PRICKLE2: variants seen among roughly 807,000 people sequenced by gnomAD.
PRICKLE2 encodes the protein prickle planar cell polarity protein 2, also known as prickle-like protein 2.
PRICKLE2 carries 21 observed loss-of-function variants against 81.4 expected under a neutral mutation model. That is an observed-to-expected ratio of 0.26 (90% CI 0.18 to 0.37). The LOEUF (loss-of-function observed/expected upper bound fraction) is 0.37, where lower values mean the gene tolerates loss of function less well. Ranked by LOEUF, PRICKLE2 falls within the 10% of genes least tolerant of loss-of-function variation. The pLI is 1.00. For missense variants in PRICKLE2, 940 were observed against 1,109.0 expected (o/e 0.85, Z 2.16); for synonymous variants, 456 against 421.5 (o/e 1.08, Z -1.00).
chr3:64,192,091 C>A (rs1002007486), intron 2 of PRICKLE2, among the ~76,000 whole-genome samples: 1 of 152,244 alleles, frequency 6.6e-6, no homozygotes, highest in Admixed American at 6.5e-5. Context: ...GAATACAAAT[C>A]TTTAGGAGCA....
At chr3:64,153,017 T>C (rs958728496) in intron 6 of PRICKLE2, among the ~76,000 whole-genome samples, 165 bp downstream of exon 6, 2 of 152,220 alleles carry the variant, frequency 1.3e-5, no homozygotes, top group African/African-American at 4.8e-5. Flanking sequence ...GAAGCTAGTA[T>C]ACTTCTTGGC....
intron 2 of PRICKLE2, among the ~76,000 whole-genome samples, chr3:64,235,536 T>G (rs888528498): frequency 6.6e-6 from 1 of 152,198 alleles, no homozygotes; most frequent in South Asian, 2.1e-4. Flanking sequence ...CCTGCCCCCC[T>G]TCTGGAGCTT....
intron 4 of PRICKLE2, among the ~76,000 whole-genome samples, chr3:64,158,496 C>A (rs138340144): frequency 2.0e-5 from 3 of 152,294 alleles, no homozygotes; most frequent in Admixed American, 6.5e-5. Flanking sequence ...AAAAGTAACA[C>A]GGTCAAGGTC....
chr3:64,246,099 C>T (rs1041843711), intron 2 of PRICKLE2, among the ~76,000 whole-genome samples: 2 of 151,990 alleles, frequency 1.3e-5, no homozygotes, highest in Admixed American at 1.3e-4. Context: ...AAAATTAGTC[C>T]GGTGTAGTGG....
rs577587485 is a variant in PRICKLE2, at chr3:64,131,137, G to A, written c.1660+15693C>T. On this transcript the variant is annotated intron_variant, in intron 7 of 7. Coordinates refer to ENST00000638394, the MANE Select transcript of PRICKLE2 (RefSeq NM_198859.4). ...GTAAGGCTGAGCCTTGGTCCCAGTC[G>A]CTGAATTTGCCCCAAATTGTGAGCC... Among the ~76,000 whole-genome samples, 4 of 152,270 alleles carry A rather than the reference G, an allele frequency of 2.6e-5. 1 individual carries two copies. The highest frequency in any genetic ancestry group is 2.1e-4 in the South Asian group (1 of 4,822).
chr3:64,163,219 A>T, intron 2 of PRICKLE2, 90 bp from the exon 3 acceptor site: 1 of 830,564 alleles, frequency 1.2e-6, no homozygotes, highest in South Asian at 1.3e-5. Context: ...CCCCAGCAGG[A>T]TGTAACTGAC....
intron 2 of PRICKLE2, among the ~76,000 whole-genome samples, chr3:64,265,369 A>G (rs1222598993): frequency 2.0e-5 from 3 of 152,180 alleles, no homozygotes; most frequent in Non-Finnish European, 2.9e-5. Context: ...GTAGCTAAAA[A>G]AAATCATTCC....
intron 2 of PRICKLE2, among the ~76,000 whole-genome samples, chr3:64,248,032 GC>G (rs1350888293): frequency 1.3e-5 from 2 of 152,098 alleles, no homozygotes; most frequent in Non-Finnish European, 2.9e-5. Flanking sequence ...CCAACCATCC[GC>G]TATAAAACTT....
At chr3:64,258,096 T>A (rs952804338) in intron 2 of PRICKLE2, among the ~76,000 whole-genome samples, 12 of 151,864 alleles carry the variant, frequency 7.9e-5, no homozygotes, top group African/African-American at 2.9e-4. Context: ...ACCTAGTTTA[T>A]GGTATTTTGT....
intron 2 of PRICKLE2, among the ~76,000 whole-genome samples, chr3:64,181,872 G>C (rs2078141276): frequency 6.6e-6 from 1 of 152,134 alleles, no homozygotes; most frequent in African/African-American, 2.4e-5. Context: ...TTGAGATGCA[G>C]GCTACTCAAG....
At chr3:64,101,845 T>G (rs1315816126) in intron 7 of PRICKLE2, 3 of 152,304 alleles carry the variant, frequency 2.0e-5, no homozygotes, top group Admixed American at 2.0e-4. Context: ...TGTTTTAAAG[T>G]GTTTCCCTAC....
intron 1 of PRICKLE2, among the ~76,000 whole-genome samples, chr3:64,211,131 C>A (rs2078779337): frequency 6.6e-6 from 1 of 152,172 alleles, no homozygotes; most frequent in Non-Finnish European, 1.5e-5. Context: ...GAAGACCACT[C>A]CTTGGTGCTC....
At chr3:64,179,035 C>CTTTCTTTCT (rs1357900519) in intron 2 of PRICKLE2, among the ~76,000 whole-genome samples, 4 of 97,186 alleles carry the variant, frequency 4.1e-5, no homozygotes, top group African/African-American at 1.6e-4. Context: ...TTCTTTCTTT[C>CTTTCTTTCT]TTTTCTTTCC....
intron 2 of PRICKLE2, among the ~76,000 whole-genome samples, chr3:64,256,166 T>C (rs758860825): frequency 6.6e-6 from 1 of 152,140 alleles, no homozygotes; most frequent in Non-Finnish European, 1.5e-5. Context: ...TCAGCCAGAA[T>C]GTAAATAAAA....
chr3:64,217,386 T>G (rs1370706340), intron 1 of PRICKLE2, among the ~76,000 whole-genome samples: 1 of 152,214 alleles, frequency 6.6e-6, no homozygotes, highest in Non-Finnish European at 1.5e-5. Flanking sequence ...TACATGGATA[T>G]ACTGCATAGT....
chr3:64,200,293 T>C (rs1163887786), intron 1 of PRICKLE2: 1 of 152,254 alleles, frequency 6.6e-6, no homozygotes, highest in East Asian at 1.9e-4. Context: ...TTATAGCATG[T>C]ATCAATCCTT....
At chr3:64,123,260 G>A (rs2077055999) in intron 7 of PRICKLE2, among the ~76,000 whole-genome samples, 2 of 152,164 alleles carry the variant, frequency 1.3e-5, no homozygotes, top group Admixed American at 6.5e-5. Context: ...AGGACACAAT[G>A]GAATAAAGCA....
At chr3:64,263,121 G>T (rs557752130) in intron 2 of PRICKLE2, among the ~76,000 whole-genome samples, 1 of 152,160 alleles carries the variant, frequency 6.6e-6, no homozygotes, top group Non-Finnish European at 1.5e-5. Flanking sequence ...CACACATGGC[G>T]CCTTTTTTTG....
At chr3:64,141,993 A>AT in intron 7 of PRICKLE2, 3 of 954,612 alleles carry the variant, frequency 3.1e-6, no homozygotes, top group Non-Finnish European at 3.7e-6. Flanking sequence ...AATGCTATTA[A>AT]AAAAAAAACT....
Sources: allele counts gnomAD v4.1 joint callset (sites outside exome capture counted in the v4.1 genomes callset), GRCh38; gene constraint gnomAD v4.1.1; transcripts MANE v1.5; gene names NCBI Gene and HGNC (gene_info 2026-07-23, HGNC 2026-07-21).